Variants in KCNK10 observed in about 807,000 individuals in gnomAD.
KCNK10 encodes potassium channel subfamily K member 10.
KCNK10 carries 25 observed loss-of-function variants against 47.7 expected under a neutral mutation model. The observed-to-expected ratio is 0.52, with a 90% CI of 0.38 to 0.73. The LOEUF (loss-of-function observed/expected upper bound fraction) is 0.73. Among genes scored for constraint, KCNK10 ranks in the 30% least tolerant of loss-of-function variants. KCNK10 has a pLI of 0.00. For synonymous variants in KCNK10, 303 were observed against 285.6 expected (o/e 1.06, Z -0.61); for missense variants, 563 against 714.5 (o/e 0.79, Z 2.42).
At chr14:88,270,585 A>G (rs116733895) in intron 1 of KCNK10, among the ~76,000 whole-genome samples, 221 of 152,196 alleles carry the variant, frequency 1.5e-3, no homozygotes, top group African/African-American at 4.9e-3. Context: ...GATGGAAGAG[A>G]TCAAGCTATG....
At position 88,208,393 on chromosome 14, in the gene KCNK10, TGG is replaced by T. The variant is rs976892369; in HGVS notation, c.682-15985_682-15984del. 2.3e-4 allele frequency among the ~76,000 whole-genome samples: 35 copies of T among 152,258 alleles called. No homozygotes were observed. The East Asian group carries it at 3.3e-3, about 14-fold the overall frequency. ...TACAGGTCCTCTTCTTCCTCTTCCT[TGG>T]GGAAAAGGTTGATAAGCCTCCAAAG... On this transcript the variant is annotated intron_variant, in intron 4 of 6. Transcript: ENST00000319231.
intron 1 of KCNK10, among the ~76,000 whole-genome samples, chr14:88,302,496 G>A (rs1888121982): frequency 6.6e-6 from 1 of 152,172 alleles, no homozygotes; most frequent in Non-Finnish European, 1.5e-5. Flanking sequence ...GATCACCTGA[G>A]GTCAGGAGTT....
chr14:88,191,073 C>A (rs1291605984), intron 5 of KCNK10, among the ~76,000 whole-genome samples: 1 of 151,724 alleles, frequency 6.6e-6, no homozygotes, highest in Admixed American at 6.6e-5. Context: ...CCCATCTCTA[C>A]GAAAAATACA....
intron 1 of KCNK10, among the ~76,000 whole-genome samples, chr14:88,289,831 T>C (rs961505951): frequency 2.0e-5 from 3 of 152,252 alleles, no homozygotes; most frequent in Admixed American, 1.3e-4. Flanking sequence ...ATAATTCACT[T>C]GAAGTGCCTG....
At chr14:88,199,547 T>C (rs1885033216) in intron 4 of KCNK10, among the ~76,000 whole-genome samples, 1 of 152,158 alleles carries the variant, frequency 6.6e-6, no homozygotes, top group Admixed American at 6.5e-5. Flanking sequence ...GTTAGGGTTC[T>C]CATGTAGCCA....
At chr14:88,219,177 T>C (rs1357842928) in intron 4 of KCNK10, among the ~76,000 whole-genome samples, 1 of 152,184 alleles carries the variant, frequency 6.6e-6, no homozygotes, top group Non-Finnish European at 1.5e-5. Context: ...GACCTGGAAC[T>C]AAATTCCTGA....
Position 88,187,961 on chromosome 14 carries a change from T to A in KCNK10, c.1011+6A>T. 1.9e-6 allele frequency: 3 copies of A among 1,613,610 alleles called. No individual in the cohort carries two copies. Among genetic ancestry groups the A allele is most frequent in the Non-Finnish European group, 2.5e-6 (3 of 1,179,912 alleles). ...GAACATTCATAGGGTTAGGAAGGGGTCCTACCTCTTCTTTTGTCTTTTTGG... is the reference window on the plus strand; with the variant it reads ...GAACATTCATAGGGTTAGGAAGGGGACCTACCTCTTCTTTTGTCTTTTTGG... On this transcript the variant is annotated splice_donor_region_variant and intron_variant, in intron 6 of 6. Coordinates refer to ENST00000319231, the MANE Select transcript of KCNK10 (RefSeq NM_138317.3).
At chr14:88,298,406 T>A (rs185963152) in intron 1 of KCNK10, among the ~76,000 whole-genome samples, 1 of 152,154 alleles carries the variant, frequency 6.6e-6, no homozygotes, top group Admixed American at 6.5e-5. Flanking sequence ...CGCCTTCCCC[T>A]CCTCATCCAT....
At chr14:88,286,349 T>C (rs1028482199) in intron 1 of KCNK10, among the ~76,000 whole-genome samples, 8 of 152,106 alleles carry the variant, frequency 5.3e-5, no homozygotes, top group Non-Finnish European at 8.8e-5. Context: ...TAAGTTGGGA[T>C]GGCTATGCAG....
intron 4 of KCNK10, among the ~76,000 whole-genome samples, chr14:88,200,547 GATA>G (rs1158082517): frequency 6.6e-6 from 1 of 152,174 alleles, no homozygotes; most frequent in African/African-American, 2.4e-5. Context: ...CGAGAAGTTA[GATA>G]AGAAGGAAAT....
intron 1 of KCNK10, among the ~76,000 whole-genome samples, chr14:88,302,130 G>A (rs1237873716): frequency 6.6e-6 from 1 of 152,150 alleles, no homozygotes; most frequent in Admixed American, 6.5e-5. Context: ...GGAAACAGAG[G>A]ACTCATGCAA....
chr14:88,193,450 G>A (rs906985230), intron 4 of KCNK10, among the ~76,000 whole-genome samples: 2 of 152,080 alleles, frequency 1.3e-5, no homozygotes, highest in Non-Finnish European at 2.9e-5. Flanking sequence ...AAAAATCCTC[G>A]CAATTCTCAG....
chr14:88,265,682 A>G (rs1471912824), intron 1 of KCNK10, among the ~76,000 whole-genome samples: 7 of 152,172 alleles, frequency 4.6e-5, no homozygotes, highest in Non-Finnish European at 1.0e-4. Flanking sequence ...CTTAAATTGT[A>G]TTCCCATAAT....
chr14:88,189,080 C>G (rs1218384018), intron 5 of KCNK10, among the ~76,000 whole-genome samples: 1 of 152,118 alleles, frequency 6.6e-6, no homozygotes, highest in Non-Finnish European at 1.5e-5. Flanking sequence ...TGGTAACTAT[C>G]GTATTAGGTG....
At chr14:88,200,838 C>T (rs1885078124) in intron 4 of KCNK10, among the ~76,000 whole-genome samples, 2 of 152,290 alleles carry the variant, frequency 1.3e-5, no homozygotes, top group South Asian at 2.1e-4. Flanking sequence ...ATTAAACAGT[C>T]ATGCAAGGAA....
intron 2 of KCNK10, among the ~76,000 whole-genome samples, chr14:88,251,597 T>C (rs1886801562): frequency 6.6e-6 from 1 of 152,238 alleles, no homozygotes; most frequent in South Asian, 2.1e-4. Flanking sequence ...TGTTTAGTTA[T>C]TGAATTAATG....
chr14:88,258,040 C>T (rs1188995089), intron 2 of KCNK10, among the ~76,000 whole-genome samples: 1 of 152,056 alleles, frequency 6.6e-6, no homozygotes, highest in Non-Finnish European at 1.5e-5. Context: ...CTAGAGGCAA[C>T]CATCCCCTCC....
intron 1 of KCNK10, among the ~76,000 whole-genome samples, chr14:88,280,789 A>G (rs1887634967): frequency 6.6e-6 from 1 of 151,824 alleles, no homozygotes; most frequent in Admixed American, 6.6e-5. Context: ...CTGGCCCTCC[A>G]TCCAGGCTAC....
chr14:88,218,846 A>G (rs979487515), intron 4 of KCNK10, among the ~76,000 whole-genome samples: 3 of 152,202 alleles, frequency 2.0e-5, no homozygotes, highest in Non-Finnish European at 2.9e-5. Context: ...GCCCTCCTTC[A>G]TCCCAAATAA....
Sources: allele counts gnomAD v4.1 joint callset (sites outside exome capture counted in the v4.1 genomes callset), GRCh38; gene constraint gnomAD v4.1.1; transcripts MANE v1.5; gene names NCBI Gene and HGNC (gene_info 2026-07-23, HGNC 2026-07-21).